ZNF44: variants seen among roughly 807,000 people sequenced by gnomAD.
The protein encoded by ZNF44 is zinc finger protein 44, also known as gonadotropin inducible transcription repressor-2.
In ZNF44, 9 loss-of-function variants were observed where a neutral mutation model predicts 11.7. The ratio of observed to expected loss-of-function variants is 0.77; its 90% CI spans 0.46 to 1.35. The LOEUF (loss-of-function observed/expected upper bound fraction) is 1.35. ZNF44 is among the 40% of genes most tolerant of loss of function. The pLI is 0.00. For synonymous variants in ZNF44, 224 were observed against 242.7 expected (o/e 0.92, Z 0.72); for missense variants, 696 against 743.1 (o/e 0.94, Z 0.74).
intron 5 of ZNF44, among the ~76,000 whole-genome samples, chr19:12,258,359 G>T (rs904578025): frequency 8.4e-5 from 8 of 94,880 alleles, no homozygotes; most frequent in Non-Finnish European, 1.8e-4. Flanking sequence ...AAAAAAAAAA[G>T]CACTGGGGAT....
intron 1 of ZNF44, among the ~76,000 whole-genome samples, chr19:12,278,786 T>C (rs1268832775): frequency 1.3e-5 from 2 of 151,280 alleles, no homozygotes; most frequent in Admixed American, 1.3e-4. Context: ...GGCTAGGGTA[T>C]AATTTTTCTT....
intron 5 of ZNF44, chr19:12,250,389 G>A (rs755359376): frequency 2.2e-6 from 3 of 1,343,424 alleles, no homozygotes; most frequent in South Asian, 1.2e-5. Context: ...CCAAATGTGT[G>A]TAAAGGAGAA....
chr19:12,274,085 T>C (rs1417038054), intron 3 of ZNF44, 22 bp from the exon 4 acceptor site: 1 of 1,546,684 alleles, frequency 6.5e-7, no homozygotes, highest in Middle Eastern at 1.7e-4. Context: ...GAAAAGTACA[T>C]TACTAAAGGT....
chr19:12,252,181 A>AAAT (rs1170721061), intron 5 of ZNF44, among the ~76,000 whole-genome samples: 1 of 152,236 alleles, frequency 6.6e-6, no homozygotes, highest in Non-Finnish European at 1.5e-5. Context: ...AAAGAACATA[A>AAAT]AATGCCCTTT....
chr19:12,225,159 T>G (rs1915862962), downstream of ZNF44: 2 of 152,394 alleles, frequency 1.3e-5, no homozygotes, highest in African/African-American at 4.8e-5. Flanking sequence ...TTCTGGCTAC[T>G]TCCTGCTGAC....
chr19:12,282,205 G>T lies in ZNF44; in HGVS notation c.4-6123C>A, dbSNP rs148561726. ...CTACACCTTTGAGAAATGAATGTTT[G>T]TTGTCTAAGGCATGCAGTGTATGGC... On this transcript the variant is annotated intron_variant, in intron 1 of 3. Transcript: ENST00000355684. 3.4e-3 allele frequency among the ~76,000 whole-genome samples: 511 copies of T among 152,176 alleles called. 3 individuals are homozygous for T. Among genetic ancestry groups the T allele is most frequent in the African/African-American group, 0.012 (481 of 41,516 alleles).
At chr19:12,284,148 A>G (rs758400141) in intron 1 of ZNF44, among the ~76,000 whole-genome samples, 16 of 152,248 alleles carry the variant, frequency 1.1e-4, no homozygotes, top group Non-Finnish European at 2.4e-4. Context: ...ATTTGCATTT[A>G]CTATGCAAAT....
At chr19:12,268,167 C>CACACACACAT (rs1917807591), downstream of ZNF44, among the ~76,000 whole-genome samples, 1 of 143,646 alleles carries the variant, frequency 7.0e-6, no homozygotes, top group Non-Finnish European at 1.5e-5. Flanking sequence ...CACACACACA[C>CACACACACAT]ACACACACAC....
In ZNF44 at chr19:12,272,162, A is replaced by AT. The variant is rs76144392; in HGVS notation, c.*244dup. The AT allele has an allele frequency of 0.071, 24,204 of 339,134 alleles. No homozygotes were observed. Among genetic ancestry groups the AT allele is most frequent in the East Asian group, 0.12 (1,845 of 15,750 alleles). 21.0% of individuals were successfully genotyped at this position (339,134 alleles called of 1,614,324 possible). On this transcript the variant is annotated 3_prime_UTR_variant, in exon 4 of 4. Transcript: ENST00000355684. ...CAGGTGTGAGCAACTATGCCTGGCT[A>AT]TTTTTTTTTTTTTCCGTATTTTTAG... is the stretch of plus-strand genomic sequence containing the variant.
chr19:12,279,459 T>C (rs1355788053), intron 1 of ZNF44, among the ~76,000 whole-genome samples: 2 of 152,042 alleles, frequency 1.3e-5, no homozygotes, highest in African/African-American at 4.8e-5. Context: ...AGTTATAACA[T>C]TCAAATGTCT....
chr19:12,274,266 CTTTTTT>C (rs869093549), intron 3 of ZNF44, among the ~76,000 whole-genome samples: 31 of 90,216 alleles, frequency 3.4e-4, no homozygotes, highest in Admixed American at 5.4e-4. Flanking sequence ...ATTCTTAATT[CTTTTTT>C]TTTTTTTTTT....
At chr19:12,264,107 C>T (rs890156039) in intron 5 of ZNF44, among the ~76,000 whole-genome samples, 2 of 151,628 alleles carry the variant, frequency 1.3e-5, no homozygotes, top group Non-Finnish European at 2.9e-5. Flanking sequence ...ACAACTACCC[C>T]TCAAATCCAC....
At chr19:12,238,130 A>G (rs1275959782), upstream of ZNF44, 6 of 152,198 alleles carry the variant, frequency 3.9e-5, no homozygotes, top group African/African-American at 1.4e-4. Flanking sequence ...AGAAAATGAA[A>G]TATGCCAACA....
Position 12,272,254 on chromosome 19 carries a change from C to T in ZNF44, c.*153G>A, listed in dbSNP as rs982033687. On this transcript the variant is annotated 3_prime_UTR_variant, in exon 4 of 4. Transcript: ENST00000355684. ...TCCTGGCCTCGTGATCTGCCCTCCT[C>T]GGCCTCTCAAAGTGCTGGGATTACA... 27 of 1,272,352 alleles carry T rather than the reference C, an allele frequency of 2.1e-5. No homozygotes were observed. Among genetic ancestry groups the T allele is most frequent in the African/African-American group, 9.2e-5 (6 of 65,202 alleles). The allele number at this position is 1,272,352 out of a possible 1,614,324, so 78.8% of individuals were successfully genotyped here. A position where few individuals can be genotyped will look rare whatever the true frequency, so the allele number is the denominator to read the frequency against.
At chr19:12,286,609 C>G (rs1048815059) in intron 1 of ZNF44, among the ~76,000 whole-genome samples, 3 of 151,236 alleles carry the variant, frequency 2.0e-5, no homozygotes, top group Non-Finnish European at 2.9e-5. Flanking sequence ...TGCACTCCAG[C>G]CTGGGTGAAA....
upstream of ZNF44, among the ~76,000 whole-genome samples, chr19:12,238,623 T>A (rs1916488248): frequency 2.7e-5 from 2 of 74,388 alleles, no homozygotes; most frequent in African/African-American, 8.7e-5. Context: ...AGAGACTGTC[T>A]CAAAAAAAAA....
At chr19:12,233,086 T>C (rs934988906) in intron 2 of ZNF44, among the ~76,000 whole-genome samples, 1 of 152,112 alleles carries the variant, frequency 6.6e-6, no homozygotes, top group South Asian at 2.1e-4. Flanking sequence ...CCACAAATAA[T>C]ATCTCTGACC....
intron 5 of ZNF44, chr19:12,266,286 C>T (rs1917723903): frequency 5.1e-6 from 5 of 985,412 alleles, no homozygotes; most frequent in Non-Finnish European, 2.4e-6. Context: ...ATTTCCTGGA[C>T]TCCAGGGTGT....
rs756392209 is a variant in ZNF44 at position 12,273,592 on chromosome 19, T to G, written c.663A>C (p.Gly221=). The G allele has an allele frequency of 1.2e-6, 2 of 1,614,176 alleles. No homozygotes were observed. The highest frequency in any genetic ancestry group is 2.2e-5 in the South Asian group (2 of 91,074). ...ACTGCTTACATTCATATGGTTTCTC[T>G]CCAGTGTGAGTTCTTTCATGCATAC... The part of the protein sequence containing the change: ...LLRMHERTHT[G]EKPYECKQCS... Residue 221 remains glycine, a synonymous_variant, in exon 4 of 4, where the codon GGA becomes GGC. Coordinates refer to ENST00000355684, the MANE Select transcript of ZNF44 (RefSeq NM_016264.4).
Sources: allele counts gnomAD v4.1 joint callset (sites outside exome capture counted in the v4.1 genomes callset), GRCh38; gene constraint gnomAD v4.1.1; transcripts MANE v1.5; gene names NCBI Gene and HGNC (gene_info 2026-07-23, HGNC 2026-07-21).